ASTN2: variants seen among roughly 807,000 people sequenced by gnomAD.
ASTN2 encodes astrotactin 2.
ASTN2 carries 54 observed loss-of-function variants against 139.8 expected under a neutral mutation model. The observed-to-expected ratio is 0.39, with a 90% CI of 0.31 to 0.48. The LOEUF is 0.48. ASTN2 is among the 20% of genes least tolerant of loss of function. ASTN2 has a pLI of 0.95. For synonymous variants in ASTN2, 756 were observed against 719.5 expected (o/e 1.05, Z -0.81); for missense variants, 1,565 against 1,725.1 (o/e 0.91, Z 1.64).
At chr9:116,807,625 T>C (rs896436080) in intron 12 of ASTN2, among the ~76,000 whole-genome samples, 4 of 152,278 alleles carry the variant, frequency 2.6e-5, no homozygotes, top group Admixed American at 2.0e-4. Flanking sequence ...TGAGTGTATA[T>C]GGAAGTGAAT....
chr9:117,409,239 C>A (rs1831092781), intron 1 of ASTN2, among the ~76,000 whole-genome samples: 1 of 152,088 alleles, frequency 6.6e-6, no homozygotes, highest in Non-Finnish European at 1.5e-5. Flanking sequence ...TGGTCAGAAA[C>A]CCCTAGAGAA....
intron 20 of ASTN2, among the ~76,000 whole-genome samples, chr9:116,470,535 C>T (rs1364894661): frequency 2.0e-5 from 3 of 152,166 alleles, no homozygotes; most frequent in African/African-American, 7.2e-5. Context: ...TAAAAAAACA[C>T]TGTCTCATTG....
rs1588476298 is a variant in ASTN2 at position 117,008,135 on chromosome 9, T to C, written c.1548A>G (p.Gln516=). 5 of 1,609,830 alleles carry C rather than the reference T, an allele frequency of 3.1e-6. No homozygotes were observed. The East Asian group carries it at 1.1e-4, about 36-fold the overall frequency. The change falls in exon 7 of 23, where the codon CAA becomes CAG. Residue 516 remains glutamine (Q), a synonymous_variant. Transcript: ENST00000313400. ...GCTGCTCACAGGCATCTGTCGTCCT[T>C]TGTCCACAGAGGTCCCTCACCCATG... The part of the protein sequence containing the change: ...TSPWVRDLCG[Q]RTTDACEQLC...
At chr9:117,321,089 C>T (rs954885897) in intron 1 of ASTN2, among the ~76,000 whole-genome samples, 1 of 152,152 alleles carries the variant, frequency 6.6e-6, no homozygotes, top group Admixed American at 6.6e-5. Flanking sequence ...CACTACAGAC[C>T]AAAACCAAAC....
intron 20 of ASTN2, among the ~76,000 whole-genome samples, chr9:116,480,462 C>T (rs1849130857): frequency 6.6e-6 from 1 of 152,172 alleles, no homozygotes; most frequent in African/African-American, 2.4e-5. Flanking sequence ...TTATTGGATT[C>T]TTAATTAGTG....
At chr9:116,998,255 GAGGATAT>G (rs1837078646) in intron 7 of ASTN2, among the ~76,000 whole-genome samples, 1 of 152,126 alleles carries the variant, frequency 6.6e-6, no homozygotes, top group Admixed American at 6.6e-5. Context: ...TCGTTTCATG[GAGGATAT>G]CCCCAGTTGA....
At chr9:116,554,817 A>AAAAAGAAAGAAG (rs1369062060) in intron 19 of ASTN2, among the ~76,000 whole-genome samples, 6 of 152,358 alleles carry the variant, frequency 3.9e-5, no homozygotes, top group African/African-American at 1.4e-4. Context: ...CCAAAAATAA[A>AAAAAGAAAGAAG]AAAAGAAAGA....
At chr9:116,905,617 G>T (rs1588399825) in intron 10 of ASTN2, among the ~76,000 whole-genome samples, 2 of 152,230 alleles carry the variant, frequency 1.3e-5, no homozygotes, top group African/African-American at 4.8e-5. Flanking sequence ...AGAACAAATT[G>T]CCTAGTACAA....
At chr9:117,172,859 T>A (rs954320391) in intron 3 of ASTN2, among the ~76,000 whole-genome samples, 6 of 152,168 alleles carry the variant, frequency 3.9e-5, no homozygotes, top group African/African-American at 1.4e-4. Context: ...GGAGCTTTCA[T>A]TAGGAATCTT....
At chr9:116,798,161 C>T (rs1203561311) in intron 13 of ASTN2, among the ~76,000 whole-genome samples, 1 of 152,198 alleles carries the variant, frequency 6.6e-6, no homozygotes, top group Non-Finnish European at 1.5e-5. Context: ...ATCCCAGCTA[C>T]TCTGGAGGCT....
At chr9:116,790,578 G>C (rs897141566) in intron 13 of ASTN2, among the ~76,000 whole-genome samples, 1 of 152,048 alleles carries the variant, frequency 6.6e-6, no homozygotes, top group Middle Eastern at 3.2e-3. Flanking sequence ...TTCTTCCAGG[G>C]AGTCTTCGCT....
intron 20 of ASTN2, among the ~76,000 whole-genome samples, chr9:116,447,048 T>G (rs1018213018): frequency 2.0e-5 from 3 of 152,168 alleles, no homozygotes; most frequent in African/African-American, 7.2e-5. Flanking sequence ...GGTCTAGGTG[T>G]GCTTGCTGAC....
rs1456888015 is a variant in ASTN2 at position 116,824,838 on chromosome 9, GAT to G, written c.2041-4057_2041-4056del. Among the ~76,000 whole-genome samples the G allele has an allele frequency of 6.6e-5, 10 of 152,300 alleles. No homozygotes were observed. The East Asian group carries it at 1.9e-3, about 29-fold the overall frequency. On this transcript the variant is annotated intron_variant, in intron 11 of 22. Transcript: ENST00000313400. The stretch of plus-strand genomic sequence containing the variant: ...AAAGAGCTTAGAATCTGGTTTGAGA[GAT>G]AAATATACACATCTATCAGAGAACG...
At chr9:116,824,458 G>A (rs1310257422) in intron 11 of ASTN2, among the ~76,000 whole-genome samples, 2 of 152,284 alleles carry the variant, frequency 1.3e-5, no homozygotes, top group East Asian at 1.9e-4. Context: ...AGAGTCTTAT[G>A]TGGCAAGGAA....
At chr9:116,948,794 T>TTTG (rs1383463460) in intron 10 of ASTN2, among the ~76,000 whole-genome samples, 1,435 of 120,466 alleles carry the variant, frequency 0.012, 139 homozygotes, top group African/African-American at 0.048. Context: ...TGTTTTTTTT[T>TTTG]TTTTTTTTTT....
intron 10 of ASTN2, among the ~76,000 whole-genome samples, chr9:116,949,295 C>A (rs765926374): frequency 1.3e-5 from 2 of 152,174 alleles, no homozygotes; most frequent in East Asian, 1.9e-4. Flanking sequence ...ATATGTCAGT[C>A]CCAGTGCTAG....
chr9:117,016,242 C>G (rs911040479), intron 6 of ASTN2, among the ~76,000 whole-genome samples: 7 of 152,068 alleles, frequency 4.6e-5, no homozygotes, highest in Admixed American at 4.6e-4. Flanking sequence ...GTGAAGTAGC[C>G]ACAGCTAGAA....
At chr9:117,396,128 G>C (rs1445260219) in intron 1 of ASTN2, among the ~76,000 whole-genome samples, 3 of 152,214 alleles carry the variant, frequency 2.0e-5, no homozygotes, top group African/African-American at 7.2e-5. Flanking sequence ...CAACAGTCAG[G>C]AGTTCCTGGC....
chr9:117,120,018 G>GTATGTATATATATATATATATATA (rs1554780401), intron 4 of ASTN2, among the ~76,000 whole-genome samples: 11 of 45,998 alleles, frequency 2.4e-4, no homozygotes, highest in Non-Finnish European at 3.9e-4. Flanking sequence ...GTGTGTGTGT[G>GTATGTATATATATATATATATATA]TATATATATA....
Sources: allele counts gnomAD v4.1 joint callset (sites outside exome capture counted in the v4.1 genomes callset), GRCh38; gene constraint gnomAD v4.1.1; transcripts MANE v1.5; gene names NCBI Gene and HGNC (gene_info 2026-07-23, HGNC 2026-07-21).